The following DOK5 variants were observed in gnomAD, a reference collection of about 807,000 sequenced individuals.
DOK5 encodes the protein downstream of tyrosine kinase 5.
DOK5 carries 27 observed loss-of-function variants against 43.3 expected under a neutral mutation model. The ratio of observed to expected loss-of-function variants is 0.62; its 90% confidence interval spans 0.46 to 0.86. The LOEUF is 0.86. Ranked by LOEUF, DOK5 falls within the 40% of genes least tolerant of loss-of-function variation. The probability of loss-of-function intolerance (pLI) is 0.00; values close to 1 mark genes in which losing one functional copy is unlikely to be tolerated. For synonymous variants in DOK5, 146 were observed against 140.1 expected (o/e 1.04, Z -0.30); for missense variants, 373 against 392.9 (o/e 0.95, Z 0.43).
chr20:54,621,628 G>T (rs1049946082), intron 6 of DOK5, among the ~76,000 whole-genome samples: 6 of 151,688 alleles, frequency 4.0e-5, no homozygotes, highest in South Asian at 2.1e-4. Flanking sequence ...AGTGGAGGTT[G>T]CAGTGAGCTG....
intron 1 of DOK5, among the ~76,000 whole-genome samples, chr20:54,544,810 G>T (rs754626411): frequency 7.9e-5 from 12 of 152,146 alleles, no homozygotes; most frequent in Non-Finnish European, 1.5e-4. Flanking sequence ...GGGGCTATTG[G>T]TGGTCAACAA....
chr20:54,491,966 G>A (rs1982194208), intron 1 of DOK5, among the ~76,000 whole-genome samples: 1 of 151,300 alleles, frequency 6.6e-6, no homozygotes. Context: ...GAAAGAAAGA[G>A]AAAAAGAAAG....
At position 54,554,970 on chromosome 20, in the gene DOK5, C is replaced by A. The variant is rs1279757340; in HGVS notation, c.104C>A (p.Ser35Ter). 6.2e-7 allele frequency: 1 copy of A among 1,613,934 alleles called. No individual in the cohort carries two copies. Among genetic ancestry groups the A allele is most frequent in the Non-Finnish European group, 8.5e-7 (1 of 1,179,862 alleles). The change falls in exon 2 of 8, where the codon TCA (serine) becomes TAA (stop). Residue 35 changes from serine (S) to a stop codon, truncating the protein, a stop_gained. Coordinates refer to ENST00000262593, the MANE Select transcript of DOK5 (RefSeq NM_018431.5). LOFTEE classifies it high-confidence loss of function. The part of the protein sequence containing the change: ...QRCWLVFKKA[S>*]SKGPKRLEKF... ...TGCTGGTTAGTATTCAAGAAAGCTT[C>A]AAGCAAAGGTCCAAAAAGACTGGAG...
At chr20:54,498,707 G>A (rs1454411213) in intron 1 of DOK5, among the ~76,000 whole-genome samples, 3 of 152,190 alleles carry the variant, frequency 2.0e-5, no homozygotes, top group African/African-American at 7.2e-5. Context: ...TAAAGAGTAT[G>A]TTTTGTTTAG....
intron 1 of DOK5, among the ~76,000 whole-genome samples, chr20:54,517,976 T>G (rs574524782): frequency 6.6e-6 from 1 of 152,302 alleles, no homozygotes; most frequent in African/African-American, 2.4e-5. Context: ...CAGTTTATGA[T>G]GTTTTGTTAT....
At chr20:54,611,787 A>G (rs1327218559) in intron 6 of DOK5, among the ~76,000 whole-genome samples, 1 of 152,216 alleles carries the variant, frequency 6.6e-6, no homozygotes, top group African/African-American at 2.4e-5. Flanking sequence ...TGATTGAAAC[A>G]TGTGGGGTGG....
intron 5 of DOK5, among the ~76,000 whole-genome samples, chr20:54,603,595 C>T (rs987023987): frequency 1.9e-4 from 29 of 152,276 alleles, no homozygotes; most frequent in African/African-American, 6.5e-4. Context: ...TCTGGAGACA[C>T]TTTTGGTTGT....
At chr20:54,481,832 A>G (rs570916325) in intron 1 of DOK5, among the ~76,000 whole-genome samples, 3 of 152,328 alleles carry the variant, frequency 2.0e-5, no homozygotes, top group African/African-American at 7.2e-5. Flanking sequence ...ATAAGCCTCC[A>G]TCTTCTGTAA....
At chr20:54,526,101 C>T (rs895323445) in intron 1 of DOK5, among the ~76,000 whole-genome samples, 7 of 151,552 alleles carry the variant, frequency 4.6e-5, no homozygotes, top group African/African-American at 1.7e-4. Context: ...TCTCTGATCT[C>T]TGGCCCAGAA....
At chr20:54,590,555 T>G (rs1374360334) in intron 4 of DOK5, among the ~76,000 whole-genome samples, 1 of 152,158 alleles carries the variant, frequency 6.6e-6, no homozygotes, top group Non-Finnish European at 1.5e-5. Context: ...TTTTTAAATA[T>G]GATTACTAGA....
chr20:54,521,819 T>C (rs1216641627), intron 1 of DOK5, among the ~76,000 whole-genome samples: 1 of 152,186 alleles, frequency 6.6e-6, no homozygotes, highest in Admixed American at 6.5e-5. Flanking sequence ...CTCATTATCA[T>C]AAACTCAAGA....
At chr20:54,557,700 C>G (rs1273139118) in intron 2 of DOK5, among the ~76,000 whole-genome samples, 3 of 152,196 alleles carry the variant, frequency 2.0e-5, no homozygotes, top group Non-Finnish European at 4.4e-5. Context: ...CTGGAATGCT[C>G]TCCCCCAGGT....
chr20:54,560,783 G>T (rs140024939), intron 2 of DOK5, among the ~76,000 whole-genome samples: 224 of 152,248 alleles, frequency 1.5e-3, no homozygotes, highest in African/African-American at 5.2e-3. Flanking sequence ...ACCATGCCCA[G>T]CTAATTTTTT....
intron 5 of DOK5, among the ~76,000 whole-genome samples, chr20:54,602,018 A>G (rs1023344130): frequency 6.6e-6 from 1 of 152,036 alleles, no homozygotes; most frequent in Admixed American, 6.5e-5. Flanking sequence ...CATACTTCTT[A>G]GTCATTCTTG....
intron 1 of DOK5, among the ~76,000 whole-genome samples, chr20:54,486,097 A>C (rs2146662120): frequency 6.6e-6 from 1 of 152,204 alleles, no homozygotes; most frequent in South Asian, 2.1e-4. Context: ...AAGATGTTTC[A>C]ATTTTTTTTG....
rs566252786 is a variant in DOK5, at chr20:54,481,068, C to CATCT, written c.66+5068_66+5071dup. Among the ~76,000 whole-genome samples the CATCT allele has an allele frequency of 1.5e-4, 19 of 126,380 alleles. No homozygotes were observed. In the South Asian group the frequency reaches 3.5e-3, roughly 23 times the overall value. 82.9% of individuals were successfully genotyped at this position (126,380 alleles called of 152,430 possible). ...TATCATCTGTCTATCATCTATCTATCATCTATCTATCTATCATCTACCATC... is the reference window on the plus strand; with the variant it reads ...TATCATCTGTCTATCATCTATCTATCATCTATCTATCTATCTATCATCTACCATC... On this transcript the variant is annotated intron_variant, in intron 1 of 7. Transcript: ENST00000262593.
At chr20:54,490,821 C>G (rs945288259) in intron 1 of DOK5, among the ~76,000 whole-genome samples, 4 of 152,216 alleles carry the variant, frequency 2.6e-5, no homozygotes, top group Non-Finnish European at 4.4e-5. Context: ...ATCTCTTGAC[C>G]TTGTGATCCG....
chr20:54,547,271 C>T (rs1984381165), intron 1 of DOK5, among the ~76,000 whole-genome samples: 1 of 152,130 alleles, frequency 6.6e-6, no homozygotes, highest in Non-Finnish European at 1.5e-5. Context: ...AACATTTACT[C>T]TTTGGCTCAT....
chr20:54,496,287 C>A (rs1352629419), intron 1 of DOK5, among the ~76,000 whole-genome samples: 1 of 152,086 alleles, frequency 6.6e-6, no homozygotes, highest in African/African-American at 2.4e-5. Context: ...TTTTATCTTA[C>A]AAAGGTGTAG....
Sources: gnomAD v4.1 joint callset for allele counts (sites outside exome capture counted in the v4.1 genomes callset) on GRCh38, gnomAD v4.1.1 for gene constraint, MANE v1.5 for transcripts, NCBI Gene and HGNC (gene_info 2026-07-23, HGNC 2026-07-21) for gene names.